Variants in SARNP observed in about 807,000 individuals in gnomAD.
The protein encoded by SARNP is SAP domain containing ribonucleoprotein.
In SARNP, 5 loss-of-function variants were observed where a neutral mutation model predicts 38.1. The observed-to-expected ratio is 0.13, with a 90% confidence interval of 0.07 to 0.28. SARNP has a LOEUF of 0.28. SARNP is among the 10% of genes least tolerant of loss of function. The pLI is 1.00. For missense variants in SARNP, 180 were observed against 243.9 expected (o/e 0.74, Z 1.75); for synonymous variants, 84 against 80.6 (o/e 1.04, Z -0.23).
chr12:55,759,612 T>G (rs1878614955), intron 10 of SARNP, among the ~76,000 whole-genome samples: 1 of 152,082 alleles, frequency 6.6e-6, no homozygotes, highest in African/African-American at 2.4e-5. Context: ...AATAAATAAA[T>G]GTATTTTTAG....
At chr12:55,789,509 TTTC>T (rs1879600851) in intron 8 of SARNP, among the ~76,000 whole-genome samples, 1 of 152,246 alleles carries the variant, frequency 6.6e-6, no homozygotes, top group South Asian at 2.1e-4. Context: ...TCTGCAAGTA[TTTC>T]TTAACTCTAT....
chr12:55,765,213 C>T (rs1878792500), intron 9 of SARNP, among the ~76,000 whole-genome samples: 2 of 152,308 alleles, frequency 1.3e-5, no homozygotes, highest in South Asian at 4.1e-4. Flanking sequence ...ATTATATAAG[C>T]ACAAACCCTG....
chr12:55,775,885 C>T (rs1879166967), intron 9 of SARNP, among the ~76,000 whole-genome samples: 1 of 152,106 alleles, frequency 6.6e-6, no homozygotes, highest in Admixed American at 6.6e-5. Flanking sequence ...CATATATAAG[C>T]CTCTCAAGTA....
At chr12:55,807,302 G>C (rs1383305346) in intron 1 of SARNP, among the ~76,000 whole-genome samples, 2 of 152,188 alleles carry the variant, frequency 1.3e-5, no homozygotes, top group Admixed American at 1.3e-4. Flanking sequence ...GGAACAGCTA[G>C]TTCATGGACC....
At chr12:55,803,110 G>T (rs890171439) in intron 2 of SARNP, among the ~76,000 whole-genome samples, 2 of 152,032 alleles carry the variant, frequency 1.3e-5, no homozygotes, top group Non-Finnish European at 2.9e-5. Flanking sequence ...GGGTTGGGGA[G>T]AAAGTGAAAT....
intron 1 of SARNP, among the ~76,000 whole-genome samples, chr12:55,811,004 G>T (rs573653570): frequency 1.3e-5 from 2 of 152,042 alleles, no homozygotes; most frequent in South Asian, 4.2e-4. Flanking sequence ...TTGAGCCCGG[G>T]AGGCAGAGGT....
intron 9 of SARNP, among the ~76,000 whole-genome samples, chr12:55,772,774 G>A (rs1375981108): frequency 1.3e-5 from 2 of 150,724 alleles, no homozygotes; most frequent in African/African-American, 4.9e-5. Flanking sequence ...GAGTGCAATG[G>A]CATGATCTCA....
intron 2 of SARNP, 83 bp downstream of exon 2, chr12:55,803,546 T>G: frequency 1.3e-6 from 1 of 795,006 alleles, no homozygotes. Flanking sequence ...GCTAATGACC[T>G]GAAAAAAAAA....
chr12:55,782,058 A>T (rs1879355581), intron 9 of SARNP, among the ~76,000 whole-genome samples: 1 of 152,216 alleles, frequency 6.6e-6, no homozygotes, highest in Admixed American at 6.5e-5. Flanking sequence ...ATCAGGAAAG[A>T]AGAGTGGCAA....
intron 1 of SARNP, among the ~76,000 whole-genome samples, chr12:55,805,291 A>G (rs1026713698): frequency 2.6e-5 from 4 of 152,204 alleles, no homozygotes; most frequent in Non-Finnish European, 5.9e-5. Context: ...AATAAAACAT[A>G]TTACAACGAC....
intron 9 of SARNP, among the ~76,000 whole-genome samples, chr12:55,770,334 T>C (rs933437068): frequency 6.6e-6 from 1 of 151,080 alleles, no homozygotes; most frequent in African/African-American, 2.4e-5. Context: ...CAGGCCATTC[T>C]CCTGCCTCAG....
intron 9 of SARNP, among the ~76,000 whole-genome samples, chr12:55,772,483 A>G (rs705709): frequency 4.6e-5 from 7 of 152,078 alleles, no homozygotes; most frequent in African/African-American, 1.4e-4. Context: ...CCCAACCCCC[A>G]CTCCTCTTCA....
chr12:55,755,681 G>A (rs1479143304), downstream of SARNP: 4 of 152,158 alleles, frequency 2.6e-5, no homozygotes, highest in African/African-American at 9.7e-5. Context: ...AGAGTATGTG[G>A]AGAATGACTA....
intron 7 of SARNP, among the ~76,000 whole-genome samples, chr12:55,791,570 C>T (rs1879670370): frequency 1.3e-5 from 2 of 152,160 alleles, no homozygotes; most frequent in African/African-American, 2.4e-5. Flanking sequence ...TGGCGTACAC[C>T]TGTAGTCCCA....
rs560113506 is a variant in SARNP at position 55,776,567 on chromosome 12, G to T, written c.501+12508C>A. 1.6e-3 allele frequency among the ~76,000 whole-genome samples: 238 copies of T among 152,062 alleles called. 2 individuals carry two copies. The highest frequency in any genetic ancestry group is 5.6e-3 in the African/African-American group (231 of 41,462). On this transcript the variant is annotated intron_variant, in intron 9 of 10. Coordinates refer to ENST00000336133, the MANE Select transcript of SARNP (RefSeq NM_033082.4). ...TTCATTTGTATTATTTTTTATTGTT[G>T]TATTTTTCCCCCCAAATGCTTTTGA... is the stretch of plus-strand genomic sequence containing the variant.
At chr12:55,760,889 G>A in intron 9 of SARNP, 1 of 397,686 alleles carries the variant, frequency 2.5e-6, no homozygotes, top group Non-Finnish European at 4.5e-6. Context: ...TAAAGAAACA[G>A]TAAGAGGCCG....
Position 55,800,550 on chromosome 12 carries a change from A to G in SARNP, c.251+12T>C. 1.3e-6 allele frequency: 2 copies of G among 1,560,116 alleles called. No individual in the cohort carries two copies. On this transcript the variant is annotated intron_variant, in intron 4 of 10. Coordinates refer to ENST00000336133, the MANE Select transcript of SARNP (RefSeq NM_033082.4). The stretch of plus-strand genomic sequence containing the variant: ...CTGCTCTGTACTCAGATTATAAAAA[A>G]GGGATAATTACACATCAACAGTTTT...
chr12:55,807,128 T>C (rs1257854170), intron 1 of SARNP, among the ~76,000 whole-genome samples: 1 of 152,174 alleles, frequency 6.6e-6, no homozygotes, highest in African/African-American at 2.4e-5. Context: ...GGTTGCTTTT[T>C]ACAATATTCC....
At chr12:55,786,605 G>A (rs985859753) in intron 9 of SARNP, among the ~76,000 whole-genome samples, 2 of 151,974 alleles carry the variant, frequency 1.3e-5, no homozygotes, top group African/African-American at 2.4e-5. Context: ...ACCTGCCACC[G>A]CGCCTGGCTA....
Sources: gnomAD v4.1 joint callset for allele counts (sites outside exome capture counted in the v4.1 genomes callset) on GRCh38, gnomAD v4.1.1 for gene constraint, MANE v1.5 for transcripts, NCBI Gene and HGNC (gene_info 2026-07-23, HGNC 2026-07-21) for gene names.